SNHG17: variants seen among roughly 807,000 people sequenced by gnomAD.
SNHG17 encodes small nucleolar RNA host gene 17 (non-protein coding).
At chr20:38,423,632 G>T (rs150264975) in intron 5 of SNHG17, among the ~76,000 whole-genome samples, 1 of 151,548 alleles carries the variant, frequency 6.6e-6, no homozygotes, top group Non-Finnish European at 1.5e-5. Context: ...AGGAAATAGG[G>T]AGATGTAGGC....
chr20:38,424,775 C>G lies in SNHG17; in HGVS notation n.579+1160G>C, dbSNP rs115903499. Among the ~76,000 whole-genome samples the G allele has an allele frequency of 9.0e-3, 1,367 of 152,228 alleles. 25 individuals carry two copies. The highest frequency in any genetic ancestry group is 0.031 in the African/African-American group (1,285 of 41,524). On this transcript the variant is annotated intron_variant and non_coding_transcript_variant, in intron 5 of 8. Transcript: ENST00000654008. ...TAGGAAGGGGTAACCACTACTGTGG[C>G]TCCAAAACTAGCTCAGAGACATAAA...
rs564232938 is a variant in SNHG17, at chr20:38,432,771, C to T, written n.309-1659G>A. On this transcript the variant is annotated intron_variant and non_coding_transcript_variant, in intron 2 of 8. Coordinates refer to ENST00000654008, the Ensembl canonical transcript of SNHG17. ...AGGCTGGAATGCAGTAGCACAATCTCGGCTCACTGCAACCTCCACCTCCTG... is the reference window on the plus strand; with the variant it reads ...AGGCTGGAATGCAGTAGCACAATCTTGGCTCACTGCAACCTCCACCTCCTG... 6.6e-5 allele frequency among the ~76,000 whole-genome samples: 10 copies of T among 152,318 alleles called. No individual in the cohort carries two copies. The East Asian group carries it at 1.5e-3, about 24-fold the overall frequency.
intron 3 of SNHG17, chr20:38,429,665 G>A (rs777825850): frequency 1.0e-5 from 5 of 490,742 alleles, no homozygotes; most frequent in Non-Finnish European, 2.0e-5. Context: ...GTGGGAGGGA[G>A]GAGGTGTGGG....
At chr20:38,424,677 A>C (rs2084215380) in intron 5 of SNHG17, among the ~76,000 whole-genome samples, 1 of 152,194 alleles carries the variant, frequency 6.6e-6, no homozygotes, top group Admixed American at 6.5e-5. Flanking sequence ...AACAATTCCC[A>C]GACAGTGTGA....
intron 3 of SNHG17, chr20:38,427,693 A>G (rs2084272920): frequency 6.1e-6 from 1 of 164,790 alleles, no homozygotes; most frequent in South Asian, 1.5e-4. Flanking sequence ...TGTTTTCTGT[A>G]TCAGGAAATT....
At chr20:38,427,251 A>C (rs970367422) in intron 3 of SNHG17, 13 of 428,556 alleles carry the variant, frequency 3.0e-5, no homozygotes, top group African/African-American at 2.5e-4. Context: ...ACTGACTTTC[A>C]TGTGGCAGCC....
At chr20:38,424,970 G>A (rs2084221840) in intron 5 of SNHG17, 2 of 298,930 alleles carry the variant, frequency 6.7e-6, no homozygotes, top group African/African-American at 2.2e-5. Context: ...GGGGGAAGGT[G>A]CTATATAATC....
chr20:38,422,687 C>T (rs538697087), intron 5 of SNHG17, among the ~76,000 whole-genome samples: 1 of 152,174 alleles, frequency 6.6e-6, no homozygotes, highest in African/African-American at 2.4e-5. Flanking sequence ...CTCCCAATCG[C>T]CAAGATACGG....
At chr20:38,431,086 AC>A (rs761024018) in exon 3 of SNHG17, 1 of 152,288 alleles carries the variant, frequency 6.6e-6, no homozygotes, top group Non-Finnish European at 1.5e-5. Context: ...CCTCTCACAC[AC>A]ATGGGGCGGC....
intron 2 of SNHG17, among the ~76,000 whole-genome samples, chr20:38,431,504 C>G (rs2084341329): frequency 6.6e-6 from 1 of 152,192 alleles, no homozygotes; most frequent in African/African-American, 2.4e-5. Context: ...GATGAAGCAG[C>G]TTCCATCTTG....
exon 1 of SNHG17, chr20:38,435,277 T>C: frequency 8.1e-7 from 1 of 1,231,468 alleles, no homozygotes; most frequent in Non-Finnish European, 1.0e-6. Flanking sequence ...TTTCGAGAGA[T>C]GGGGTGCGGT....
Position 38,426,738 on chromosome 20 carries a change from C to A in SNHG17, n.381-235G>T, listed in dbSNP as rs3752283. Among the ~76,000 whole-genome samples, 14 of 150,788 alleles carry A rather than the reference C, an allele frequency of 9.3e-5. 1 individual carries two copies. The East Asian group carries it at 2.8e-3, about 30-fold the overall frequency. On this transcript the variant is annotated intron_variant and non_coding_transcript_variant, in intron 3 of 8. Coordinates refer to ENST00000654008, the Ensembl canonical transcript of SNHG17. ...CTCAGGGGAGCCCCAAAGGCCAGCACAAAAGGCAGAGGAATTAAGAGCTGG... is the reference window on the plus strand; with the variant it reads ...CTCAGGGGAGCCCCAAAGGCCAGCAAAAAAGGCAGAGGAATTAAGAGCTGG...
At chr20:38,433,238 A>C (rs1221423985) in intron 2 of SNHG17, among the ~76,000 whole-genome samples, 5 of 152,132 alleles carry the variant, frequency 3.3e-5, no homozygotes, top group Non-Finnish European at 7.3e-5. Context: ...GGCCTCTCAG[A>C]GTGCTGGGAT....
chr20:38,431,928 C>A, intron 2 of SNHG17: 2 of 838,458 alleles, frequency 2.4e-6, no homozygotes, highest in Non-Finnish European at 2.9e-6. Context: ...CCAGACATCA[C>A]GCCCAGGGAA....
intron 5 of SNHG17, among the ~76,000 whole-genome samples, chr20:38,425,562 C>T (rs75727390): frequency 0.015 from 2,330 of 152,320 alleles, 93 homozygotes; most frequent in East Asian, 0.13. Flanking sequence ...AGATCCAAAA[C>T]TTCTGATGTA....
At chr20:38,427,060 CAA>C (rs1037925869) in intron 3 of SNHG17, among the ~76,000 whole-genome samples, 1 of 149,572 alleles carries the variant, frequency 6.7e-6, no homozygotes, top group Non-Finnish European at 1.5e-5. Context: ...ACCCCAACCT[CAA>C]AGTCTCCCTC....
intron 3 of SNHG17, chr20:38,429,640 G>T (rs751290856): frequency 2.1e-6 from 1 of 476,370 alleles, no homozygotes; most frequent in African/African-American, 2.0e-5. Flanking sequence ...GGCACCAGGA[G>T]CCATCTAAGA....
intron 2 of SNHG17, among the ~76,000 whole-genome samples, chr20:38,432,373 C>T (rs950075312): frequency 3.3e-5 from 5 of 152,068 alleles, no homozygotes; most frequent in Non-Finnish European, 7.4e-5. Context: ...GGCACACCAG[C>T]GTGGCGCAGT....
chr20:38,424,964 G>A, intron 5 of SNHG17: 1 of 258,970 alleles, frequency 3.9e-6, no homozygotes, highest in Non-Finnish European at 7.9e-6. Context: ...GTTACTGGGG[G>A]AAGGTGCTAT....
Sources: allele counts gnomAD v4.1 joint callset (sites outside exome capture counted in the v4.1 genomes callset), GRCh38; gene constraint gnomAD v4.1.1; transcripts MANE v1.5; gene names NCBI Gene and HGNC (gene_info 2026-07-23, HGNC 2026-07-21).